CREB1: variants seen among roughly 807,000 people sequenced by gnomAD.
CREB1 encodes cAMP responsive element binding protein 1, also known as cyclic AMP-responsive element-binding protein 1.
A neutral mutation model predicts 42.0 loss-of-function variants in CREB1; 2 were observed. That is an observed-to-expected ratio of 0.05 (90% CI 0.02 to 0.15). CREB1 has a LOEUF of 0.15. CREB1 is among the 10% of genes least tolerant of loss of function. CREB1 has a pLI of 1.00. For missense variants in CREB1, 199 were observed against 388.9 expected (o/e 0.51, Z 4.11); for synonymous variants, 123 against 139.9 (o/e 0.88, Z 0.85).
chr2:207,553,694 A>T (rs2106443497), intron 1 of CREB1, among the ~76,000 whole-genome samples: 1 of 152,292 alleles, frequency 6.6e-6, no homozygotes, highest in East Asian at 1.9e-4. Context: ...TCTGATATTA[A>T]AATTTGTTTT....
chr2:207,588,830 A>G (rs1319946783), intron 7 of CREB1, among the ~76,000 whole-genome samples: 5 of 140,630 alleles, frequency 3.6e-5, no homozygotes, highest in African/African-American at 1.1e-4. Flanking sequence ...TGGCTTCTGT[A>G]TATTTACCTT....
At chr2:207,539,333 G>A (rs1422667013) in intron 1 of CREB1, among the ~76,000 whole-genome samples, 2 of 150,698 alleles carry the variant, frequency 1.3e-5, no homozygotes, top group African/African-American at 2.4e-5. Flanking sequence ...ATGAACCACC[G>A]CCCCCAGCCC....
At chr2:207,574,727 A>G (rs545898201) in intron 5 of CREB1, among the ~76,000 whole-genome samples, 3 of 152,200 alleles carry the variant, frequency 2.0e-5, no homozygotes, top group Non-Finnish European at 4.4e-5. Flanking sequence ...CAGTTGTTTC[A>G]TTGAGTGGAT....
chr2:207,600,266 T>TAAAA lies in CREB1; in HGVS notation c.*3209_*3210insAAAA. The TAAAA allele has an allele frequency of 6.2e-6, 1 of 160,476 alleles. No individual in the cohort carries two copies. Among genetic ancestry groups the TAAAA allele is most frequent in the African/African-American group, 2.5e-5 (1 of 40,682 alleles). 9.9% of individuals were successfully genotyped at this position (160,476 alleles called of 1,614,324 possible). ...ATATATATATATATATATATATACA[T>TAAAA]ACAGTATATAATCTAAAGCTCTGAG... On this transcript the variant is annotated 3_prime_UTR_variant, in exon 8 of 8. Coordinates refer to ENST00000353267, the MANE Select transcript of CREB1 (RefSeq NM_004379.5).
At chr2:207,547,808 A>G (rs2709357) in intron 1 of CREB1, among the ~76,000 whole-genome samples, 23,977 of 151,934 alleles carry the variant, frequency 0.16, 2,092 homozygotes, top group Middle Eastern at 0.2. Context: ...ACTTAATTTC[A>G]AACAAACAAA....
At chr2:207,536,714 G>A (rs957656669) in intron 1 of CREB1, among the ~76,000 whole-genome samples, 3 of 151,982 alleles carry the variant, frequency 2.0e-5, no homozygotes, top group Non-Finnish European at 4.4e-5. Flanking sequence ...ATTTGGCCAG[G>A]CGTGGTGGCT....
At position 207,582,105 on chromosome 2, in the gene CREB1, C is replaced by A. The variant is rs183501358; in HGVS notation, c.839+4450C>A. 7.3e-5 allele frequency: 51 copies of A among 702,820 alleles called. No homozygotes were observed. In the African/African-American group the frequency reaches 7.3e-4, roughly 10 times the overall value. 43.5% of individuals were successfully genotyped at this position (702,820 alleles called of 1,614,324 possible). ...TCCAGGTGTCTCCACTGTTGAGCTA[C>A]CATTTTTCTCTTTGTCCAGCCCATA... On this transcript the variant is annotated intron_variant, in intron 7 of 7. Coordinates refer to ENST00000353267, the MANE Select transcript of CREB1 (RefSeq NM_004379.5).
At chr2:207,532,225 C>T (rs2080665960) in intron 1 of CREB1, among the ~76,000 whole-genome samples, 1 of 150,958 alleles carries the variant, frequency 6.6e-6, no homozygotes, top group Non-Finnish European at 1.5e-5. Context: ...TGTGGTGGCA[C>T]GCGCCTGTAA....
chr2:207,569,510 T>G (rs2082269249), intron 4 of CREB1, among the ~76,000 whole-genome samples: 2 of 152,158 alleles, frequency 1.3e-5, no homozygotes, highest in African/African-American at 4.8e-5. Context: ...GGTTTTGATC[T>G]TTTTTCCCTT....
intron 4 of CREB1, 138 bp from the exon 5 acceptor site, chr2:207,570,040 CA>C (rs757439012): frequency 0.1 from 17,748 of 176,966 alleles, 3 homozygotes; most frequent in South Asian, 0.13. Flanking sequence ...GACTCCATCT[CA>C]AAAAAAAAAA....
chr2:207,575,503 A>C (rs369046449), intron 6 of CREB1, 49 bp downstream of exon 6: 14 of 1,469,572 alleles, frequency 9.5e-6, no homozygotes, highest in Admixed American at 1.9e-5. Context: ...CAAAATACTA[A>C]AATTTTATAA....
chr2:207,577,774 C>CA (rs2082652261), intron 7 of CREB1, 119 bp downstream of exon 7: 9 of 1,223,972 alleles, frequency 7.4e-6, no homozygotes, highest in Non-Finnish European at 1.0e-5. Flanking sequence ...TTTTTTCCAG[C>CA]AGAATTAATG....
At chr2:207,555,585 CAA>C in intron 1 of CREB1, 41 bp from the exon 2 acceptor site, 1 of 1,284,524 alleles carries the variant, frequency 7.8e-7, no homozygotes, top group Non-Finnish European at 1.1e-6. Flanking sequence ...CACGAAAGCA[CAA>C]AGCACTGTGG....
chr2:207,544,774 A>G (rs1197504954), intron 1 of CREB1, among the ~76,000 whole-genome samples: 2 of 151,568 alleles, frequency 1.3e-5, no homozygotes, highest in Non-Finnish European at 2.9e-5. Flanking sequence ...CGATGTGTCC[A>G]TGTGTTCTCA....
At chr2:207,535,455 ATAT>A (rs1224307249) in intron 1 of CREB1, among the ~76,000 whole-genome samples, 5 of 152,026 alleles carry the variant, frequency 3.3e-5, no homozygotes, top group African/African-American at 1.2e-4. Context: ...AGCTCATGGG[ATAT>A]TATTACCCAG....
chr2:207,547,843 A>C (rs1028413346), intron 1 of CREB1, among the ~76,000 whole-genome samples: 5 of 152,052 alleles, frequency 3.3e-5, no homozygotes, highest in African/African-American at 9.7e-5. Flanking sequence ...AAAGCACTAC[A>C]GCTTTCTTGT....
At chr2:207,575,206 G>A in intron 5 of CREB1, 66 bp from the exon 6 acceptor site, 1 of 1,438,104 alleles carries the variant, frequency 7.0e-7, no homozygotes, top group Admixed American at 1.8e-5. Context: ...ATTCTACATT[G>A]GATGTAATGT....
chr2:207,584,270 C>T (rs1324314078), intron 7 of CREB1, among the ~76,000 whole-genome samples: 2 of 152,154 alleles, frequency 1.3e-5, no homozygotes, highest in Non-Finnish European at 2.9e-5. Context: ...TTTATATTCC[C>T]ACCAGGAATG....
chr2:207,555,640 C>G lies in CREB1; in HGVS notation c.5C>G (p.Thr2Ser). ...CATATTATTATAGGTAACTAAATGACCATGGAATCTGGAGCCGAGAACCAG... is the reference window on the plus strand; with the variant it reads ...CATATTATTATAGGTAACTAAATGAGCATGGAATCTGGAGCCGAGAACCAG... M[T>S]MESGAENQQS... Residue 2 changes from threonine to serine, a missense_variant, in exon 2 of 8, where the codon ACC becomes AGC. By Grantham distance (58) the Thr-to-Ser change is moderately conservative. This residue lies in a region of CREB1 where 53 missense variants were observed against 57.1 expected (regional missense o/e 0.93). Coordinates refer to ENST00000353267, the MANE Select transcript of CREB1 (RefSeq NM_004379.5). 6.2e-7 allele frequency: 1 copy of G among 1,605,280 alleles called. No homozygotes were observed. The highest frequency in any genetic ancestry group is 8.5e-7 in the Non-Finnish European group (1 of 1,172,576).
Sources: gnomAD v4.1 joint callset for allele counts (sites outside exome capture counted in the v4.1 genomes callset) on GRCh38, gnomAD v4.1.1 for gene constraint, gnomAD v4.1.1 regional missense constraint, MANE v1.5 for transcripts, NCBI Gene and HGNC (gene_info 2026-07-23, HGNC 2026-07-21) for gene names.